PTPRN2: variants seen among roughly 807,000 people sequenced by gnomAD.
PTPRN2 encodes receptor-type tyrosine-protein phosphatase N2.
In PTPRN2, 74 loss-of-function variants were observed where a neutral mutation model predicts 118.8. The observed-to-expected ratio is 0.62, with a 90% CI of 0.52 to 0.76. The LOEUF (loss-of-function observed/expected upper bound fraction) is 0.76. Ranked by LOEUF, PTPRN2 falls within the 30% of genes least tolerant of loss-of-function variation. The pLI, the probability that PTPRN2 is intolerant of heterozygous loss-of-function variation, is 0.00. For synonymous variants in PTPRN2, 641 were observed against 608.0 expected, an observed-to-expected ratio of 1.05 and a Z score of -0.80; for missense variants, 1,481 against 1,394.4, an observed-to-expected ratio of 1.06 and a Z score of -0.99.
intron 11 of PTPRN2, among the ~76,000 whole-genome samples, chr7:157,913,188 A>C (rs1003178371): frequency 6.6e-6 from 1 of 152,200 alleles, no homozygotes; most frequent in Non-Finnish European, 1.5e-5. Context: ...ATTTTAAATG[A>C]GTATCATTTT....
intron 2 of PTPRN2, among the ~76,000 whole-genome samples, chr7:158,376,111 CT>C (rs1158588272): frequency 1.3e-5 from 2 of 152,186 alleles, no homozygotes; most frequent in Non-Finnish European, 2.9e-5. Context: ...CACCCCACCC[CT>C]GGATGCTACT....
chr7:158,253,576 C>G (rs935115606), intron 3 of PTPRN2, among the ~76,000 whole-genome samples: 1 of 152,136 alleles, frequency 6.6e-6, no homozygotes, highest in African/African-American at 2.4e-5. Flanking sequence ...AGGCCAGGAC[C>G]GCGCCCCACA....
chr7:158,373,052 G>A (rs933139018), intron 2 of PTPRN2, among the ~76,000 whole-genome samples: 4 of 152,228 alleles, frequency 2.6e-5, no homozygotes, highest in East Asian at 1.9e-4. Flanking sequence ...CAGCACGGCC[G>A]AAGGTTCCAC....
chr7:158,393,751 T>C (rs1356450908), intron 2 of PTPRN2, among the ~76,000 whole-genome samples: 1 of 152,170 alleles, frequency 6.6e-6, no homozygotes, highest in Non-Finnish European at 1.5e-5. Context: ...GAAGGAATCA[T>C]GACGTGATTG....
Position 157,834,728 on chromosome 7 carries a change from G to C in PTPRN2, c.1788+63945C>G, listed in dbSNP as rs932015131. On this transcript the variant is annotated intron_variant, in intron 12 of 22. Coordinates refer to ENST00000389418, the MANE Select transcript of PTPRN2 (RefSeq NM_002847.5). ...GGGCTGCGGGCCCAGCCTCCAGTGA[G>C]CCTGGAGCCGGCCTGCAGGGAGGAC... Among the ~76,000 whole-genome samples, 3 of 152,380 alleles carry C rather than the reference G, an allele frequency of 2.0e-5. No individual in the cohort carries two copies. In the South Asian group the frequency reaches 6.2e-4, roughly 32 times the overall value.
intron 3 of PTPRN2, among the ~76,000 whole-genome samples, chr7:158,206,292 C>G (rs1360949328): frequency 9.9e-5 from 15 of 152,188 alleles, no homozygotes; most frequent in Non-Finnish European, 1.5e-5. Flanking sequence ...ATTCCAGGCC[C>G]TAGCTCCCAG....
chr7:157,725,672 GAGCCAGACCCT>G (rs1427277947), intron 12 of PTPRN2, among the ~76,000 whole-genome samples: 254 of 112,796 alleles, frequency 2.3e-3, no homozygotes, highest in African/African-American at 5.5e-3. Context: ...ACAGAGGAGT[GAGCCAGACCCT>G]CGCCTCCCAG....
At chr7:158,377,624 G>A (rs7803342) in intron 2 of PTPRN2, among the ~76,000 whole-genome samples, 131,103 of 152,118 alleles carry the variant, frequency 0.86, 56,888 homozygotes, top group East Asian at 0.99. Flanking sequence ...GCAATCACAG[G>A]CTTTGTCATG....
At chr7:157,573,529 A>C (rs1238388528) in intron 19 of PTPRN2, among the ~76,000 whole-genome samples, 1 of 152,228 alleles carries the variant, frequency 6.6e-6, no homozygotes, top group African/African-American at 2.4e-5. Flanking sequence ...TACACCCAAA[A>C]AAGGGACAGT....
chr7:158,278,846 G>T (rs1166600922), intron 3 of PTPRN2, among the ~76,000 whole-genome samples: 1 of 152,076 alleles, frequency 6.6e-6, no homozygotes, highest in Non-Finnish European at 1.5e-5. Flanking sequence ...CCTCCCAGTG[G>T]GTTCGTGGTC....
intron 3 of PTPRN2, among the ~76,000 whole-genome samples, chr7:158,234,447 T>C (rs1336221570): frequency 2.7e-5 from 4 of 148,996 alleles, no homozygotes; most frequent in Non-Finnish European, 4.5e-5. Flanking sequence ...AGTCATCAAA[T>C]AAAAACACAC....
At chr7:158,224,114 A>G (rs1191872410) in intron 3 of PTPRN2, among the ~76,000 whole-genome samples, 6 of 152,218 alleles carry the variant, frequency 3.9e-5, no homozygotes, top group Non-Finnish European at 5.9e-5. Flanking sequence ...ACCAAAGATC[A>G]AAATAAATGA....
At position 158,124,935 on chromosome 7, in the gene PTPRN2, C is replaced by T. The variant is rs376344661; in HGVS notation, c.1556+8742G>A. Among the ~76,000 whole-genome samples the T allele has an allele frequency of 6.7e-4, 102 of 152,302 alleles. 1 individual carries two copies. Among genetic ancestry groups the T allele is most frequent in the South Asian group, 5.4e-3 (26 of 4,824 alleles). On this transcript the variant is annotated intron_variant, in intron 9 of 22. Transcript: ENST00000389418. Reference sequence around the variant, plus strand: ...GAAAGAAAGAGCCGTGATGCTGGTGCGCAAGAGAGAAGGCCCCGCAGTGCG... The same window carrying T: ...GAAAGAAAGAGCCGTGATGCTGGTGTGCAAGAGAGAAGGCCCCGCAGTGCG...
chr7:158,367,762 C>G (rs1160092445), intron 2 of PTPRN2, among the ~76,000 whole-genome samples: 13 of 152,148 alleles, frequency 8.5e-5, no homozygotes, highest in Non-Finnish European at 1.5e-4. Flanking sequence ...GTCGTTTGAC[C>G]TCCTTGGCCC....
At chr7:158,578,400 T>C (rs1828451174) in intron 1 of PTPRN2, among the ~76,000 whole-genome samples, 1 of 151,400 alleles carries the variant, frequency 6.6e-6, no homozygotes, top group Non-Finnish European at 1.5e-5. Context: ...CCAGGCATGG[T>C]GGCACATACC....
chr7:158,402,005 G>A (rs1394725121), intron 2 of PTPRN2, among the ~76,000 whole-genome samples: 1 of 152,142 alleles, frequency 6.6e-6, no homozygotes, highest in African/African-American at 2.4e-5. Flanking sequence ...GGTGGGAAAC[G>A]GGGTGTGAAA....
chr7:157,823,634 C>G lies in PTPRN2; in HGVS notation c.1788+75039G>C, dbSNP rs564375639. On this transcript the variant is annotated intron_variant, in intron 12 of 22. Transcript: ENST00000389418. ...TTGTGTTTCTGAGGCCCCTGACATC[C>G]AAGACTACAGGTTAGATCATCAAGT... is the stretch of plus-strand genomic sequence containing the variant. Among the ~76,000 whole-genome samples, 11 of 152,306 alleles carry G rather than the reference C, an allele frequency of 7.2e-5. No individual in the cohort carries two copies. In the South Asian group the frequency reaches 2.3e-3, roughly 32 times the overall value.
chr7:157,735,713 G>T (rs918956089), intron 12 of PTPRN2, among the ~76,000 whole-genome samples: 4 of 152,160 alleles, frequency 2.6e-5, no homozygotes, highest in African/African-American at 9.6e-5. Flanking sequence ...CGGGGCAGGC[G>T]CTTTCTTTAG....
chr7:157,897,235 C>G (rs9942660), intron 12 of PTPRN2, among the ~76,000 whole-genome samples: 2 of 151,872 alleles, frequency 1.3e-5, no homozygotes, highest in African/African-American at 4.8e-5. Context: ...TCCTTGTACA[C>G]GCAGGAGACG....
Sources: allele counts gnomAD v4.1 joint callset (sites outside exome capture counted in the v4.1 genomes callset), GRCh38; gene constraint gnomAD v4.1.1; transcripts MANE v1.5; gene names NCBI Gene and HGNC (gene_info 2026-07-23, HGNC 2026-07-21).